Variants in ANK2 observed in about 807,000 individuals in gnomAD.
The protein encoded by ANK2 is ankyrin 2.
Under a neutral mutation model 360.5 loss-of-function variants are expected in ANK2, and 83 were observed. The observed-to-expected ratio is 0.23, with a 90% CI of 0.19 to 0.28. ANK2 has a LOEUF of 0.28. ANK2 is among the 10% of genes least tolerant of loss of function. The pLI is 1.00. For missense variants in ANK2, 4,201 were observed against 4,795.7 expected, an observed-to-expected ratio of 0.88 and a Z score of 3.66; for synonymous variants, 1,740 against 1,759.5, an observed-to-expected ratio of 0.99 and a Z score of 0.28.
intron 38 of ANK2, among the ~76,000 whole-genome samples, chr4:113,360,418 C>G (rs2096130882): frequency 6.6e-6 from 1 of 152,000 alleles, no homozygotes; most frequent in African/African-American, 2.4e-5. Flanking sequence ...ATGATCTATC[C>G]CTCCACAAGC....
intron 1 of ANK2, among the ~76,000 whole-genome samples, chr4:113,076,718 TCTGGGAGGTTGAGG>T (rs941124122): frequency 7.9e-5 from 12 of 151,440 alleles, no homozygotes; most frequent in African/African-American, 2.9e-4. Flanking sequence ...ATCACTTGAG[TCTGGGAGGTTGAGG>T]CTGCAGTAAA....
intron 7 of ANK2, 25 bp from the exon 8 acceptor site, chr4:113,240,460 G>A (rs1483838962): frequency 1.9e-6 from 3 of 1,563,728 alleles, no homozygotes; most frequent in South Asian, 1.1e-5. Context: ...GCGCTATACT[G>A]ACTGTCATAT....
intron 2 of ANK2, among the ~76,000 whole-genome samples, chr4:112,955,895 T>C (rs1312955004): frequency 2.6e-5 from 4 of 152,206 alleles, no homozygotes; most frequent in African/African-American, 9.7e-5. Context: ...ACTTATTTAA[T>C]GCGTGCTTAT....
intron 27 of ANK2, 88 bp from the exon 28 acceptor site, chr4:113,331,884 A>G (rs1339079997): frequency 5.8e-6 from 7 of 1,213,572 alleles, no homozygotes; most frequent in Non-Finnish European, 8.6e-6. Flanking sequence ...CACCCTGTGG[A>G]TCAGCTGGCG....
chr4:113,173,761 G>A (rs531217991), intron 1 of ANK2, among the ~76,000 whole-genome samples: 2 of 152,276 alleles, frequency 1.3e-5, no homozygotes, highest in East Asian at 3.9e-4. Flanking sequence ...TTTTAGTCTG[G>A]TATTATGTCA....
intron 1 of ANK2, among the ~76,000 whole-genome samples, chr4:113,128,545 A>G (rs546558013): frequency 1.3e-5 from 2 of 152,314 alleles, no homozygotes; most frequent in African/African-American, 4.8e-5. Flanking sequence ...GCTGGAGTGC[A>G]GTGGCGCGAT....
rs1273694931 is a variant in ANK2 at position 113,357,759 on chromosome 4, A to G, written c.9141A>G (p.Glu3047=). The G allele has an allele frequency of 6.8e-6, 11 of 1,613,996 alleles. No homozygotes were observed. The highest frequency in any genetic ancestry group is 1.1e-5 in the South Asian group (1 of 91,092). ...ATGTGGATTCTGATTCTTGGAGTGA[A>G]ATTCGGGAAGACGATGAAGCCTTTG... ...KTDVDSDSWS[E]IREDDEAFEA... The change falls in exon 38 of 46, where the codon GAA becomes GAG. Residue 3047 remains glutamate, a synonymous_variant. Coordinates refer to ENST00000357077, the MANE Select transcript of ANK2 (RefSeq NM_001148.6).
chr4:113,381,123 T>G (rs1246061009), intron 45 of ANK2, among the ~76,000 whole-genome samples: 1 of 152,214 alleles, frequency 6.6e-6, no homozygotes, highest in African/African-American at 2.4e-5. Context: ...AAGTAAGGGC[T>G]ACTTAATCAA....
chr4:112,781,747 A>G, the ANK2 span, among the ~76,000 whole-genome samples: 6,791 of 151,986 alleles, frequency 0.045, 396 homozygotes, highest in African/African-American at 0.13. Context: ...ATAAGTATTT[A>G]TGACACAAGC....
At chr4:113,216,121 C>G (rs1009789799) in intron 4 of ANK2, among the ~76,000 whole-genome samples, 1 of 152,128 alleles carries the variant, frequency 6.6e-6, no homozygotes, top group African/African-American at 2.4e-5. Context: ...TAGGAGCAAG[C>G]ATTTCTGGCA....
intron 39 of ANK2, among the ~76,000 whole-genome samples, chr4:113,361,573 A>G (rs1488821036): frequency 6.6e-6 from 1 of 151,200 alleles, no homozygotes; most frequent in African/African-American, 2.4e-5. Flanking sequence ...TGACTACTTC[A>G]AAGAGACAAA....
In ANK2 at chr4:113,356,147, T is replaced by G. The variant is rs557294831; in HGVS notation, c.7529T>G (p.Leu2510Arg). 3.4e-5 allele frequency: 55 copies of G among 1,614,048 alleles called. No homozygotes were observed. The highest frequency in any genetic ancestry group is 8.3e-5 in the Admixed American group (5 of 60,000). ...TEVASVRSRL[L>R]RDPDGSAEDD... is the part of the protein sequence containing the mutation. ...GTGGCCTCTGTGCGGTCCCGGCTAC[T>G]CCGAGACCCTGATGGCAGTGCTGAG... Residue 2510 changes from leucine (L) to arginine (R), a missense_variant, in exon 38 of 46, where the codon CTC becomes CGC. Physicochemically the swap from Leu to Arg is moderately radical, Grantham distance 102. This residue lies in a region of ANK2 where 2,642 missense variants were observed against 2,714.5 expected (regional missense o/e 0.97). Coordinates refer to ENST00000357077, the MANE Select transcript of ANK2 (RefSeq NM_001148.6).
At chr4:113,201,634 A>G (rs1056191272) in intron 4 of ANK2, among the ~76,000 whole-genome samples, 1 of 152,338 alleles carries the variant, frequency 6.6e-6, no homozygotes, top group African/African-American at 2.4e-5. Flanking sequence ...TGAAAAGACC[A>G]TATTTTACTT....
intron 2 of ANK2, among the ~76,000 whole-genome samples, chr4:112,990,940 T>C (rs2154278366): frequency 6.6e-6 from 1 of 152,288 alleles, no homozygotes; most frequent in East Asian, 1.9e-4. Context: ...ACCAAATTCA[T>C]CCTAATTTTC....
At position 113,265,771 on chromosome 4, in the gene ANK2, T is replaced by C. The variant is rs2055633707; in HGVS notation, c.1485+776T>C. Among the ~76,000 whole-genome samples, 3 of 152,224 alleles carry C rather than the reference T, an allele frequency of 2.0e-5. No homozygotes were observed. The East Asian group carries it at 5.8e-4, about 29-fold the overall frequency. ...CATGTGGTTTGGTTAACTTTTGCACTGACATCATTGAGATTCTCATGTTAA... is the reference window on the plus strand; with the variant it reads ...CATGTGGTTTGGTTAACTTTTGCACCGACATCATTGAGATTCTCATGTTAA... On this transcript the variant is annotated intron_variant, in intron 14 of 45. Transcript: ENST00000357077.
intron 1 of ANK2, chr4:112,882,269 G>C (rs1306801963): frequency 6.6e-6 from 1 of 152,520 alleles, no homozygotes; most frequent in Non-Finnish European, 1.5e-5. Flanking sequence ...CAATGTTAGA[G>C]TCAAGATTGC....
At chr4:112,990,106 CA>C (rs1490080070) in intron 2 of ANK2, among the ~76,000 whole-genome samples, 1 of 151,800 alleles carries the variant, frequency 6.6e-6, no homozygotes, top group Non-Finnish European at 1.5e-5. Context: ...CCCGTCTCTA[CA>C]AAAAAATTAA....
chr4:113,379,637 C>T (rs1248298789), intron 45 of ANK2, among the ~76,000 whole-genome samples: 3 of 151,960 alleles, frequency 2.0e-5, no homozygotes, highest in African/African-American at 7.3e-5. Context: ...TTTAGGAAAA[C>T]ATCAGATTTC....
intron 2 of ANK2, among the ~76,000 whole-genome samples, chr4:113,002,935 G>T (rs1392417474): frequency 6.6e-6 from 1 of 152,146 alleles, no homozygotes; most frequent in Non-Finnish European, 1.5e-5. Flanking sequence ...CATCTGATAT[G>T]ACTTTGCCCA....
Sources: gnomAD v4.1 joint callset for allele counts (sites outside exome capture counted in the v4.1 genomes callset) on GRCh38, gnomAD v4.1.1 for gene constraint, gnomAD v4.1.1 regional missense constraint, MANE v1.5 for transcripts, NCBI Gene and HGNC (gene_info 2026-07-23, HGNC 2026-07-21) for gene names.